CD82: variants seen among roughly 807,000 people sequenced by gnomAD.
The protein encoded by CD82 is CD82 antigen.
Under a neutral mutation model 37.4 loss-of-function variants are expected in CD82, and 36 were observed. The ratio of observed to expected loss-of-function variants is 0.96; its 90% CI spans 0.74 to 1.27. CD82 has a LOEUF of 1.27. CD82 is among the 50% of genes most tolerant of loss of function. The pLI, the probability that CD82 is intolerant of heterozygous loss-of-function variation, is 0.00. For synonymous variants in CD82, 158 were observed against 137.4 expected (o/e 1.15, Z -1.05); for missense variants, 340 against 347.0 (o/e 0.98, Z 0.16).
intron 2 of CD82, among the ~76,000 whole-genome samples, chr11:44,592,769 C>T (rs942187592): frequency 2.0e-5 from 3 of 152,188 alleles, no homozygotes; most frequent in Non-Finnish European, 4.4e-5. Context: ...GCCCTGGCTC[C>T]CGAGTCACTG....
At chr11:44,615,225 A>C (rs767944095) in intron 6 of CD82, 47 bp from the exon 7 acceptor site, 1 of 1,296,906 alleles carries the variant, frequency 7.7e-7, no homozygotes, top group African/African-American at 1.4e-5. Context: ...ACAGGTGGGC[A>C]CGGGTTTCAG....
chr11:44,618,646 A>G lies in CD82; in HGVS notation c.649A>G (p.Met217Val), dbSNP rs778562920. 1.1e-5 allele frequency: 18 copies of G among 1,611,524 alleles called. No individual in the cohort carries two copies. Among genetic ancestry groups the G allele is most frequent in the South Asian group, 2.2e-5 (2 of 91,074 alleles). Residue 217 changes from methionine to valine, a missense_variant, in exon 9 of 10, where the codon ATG (methionine) becomes GTG (valine). Met to Val is a conservative substitution (Grantham distance 21). Coordinates refer to ENST00000227155, the MANE Select transcript of CD82 (RefSeq NM_002231.4). ...EDWPVYQEGC[M>V]EKVQAWLQEN... is the part of the protein sequence containing the mutation. Reference sequence around the variant, plus strand: ...CCGCATTCTGCCCTTGCAGGGCTGCATGGAGAAGGTGCAGGCGTGGCTGCA... The same window carrying G: ...CCGCATTCTGCCCTTGCAGGGCTGCGTGGAGAAGGTGCAGGCGTGGCTGCA...
chr11:44,619,243 C>G lies in CD82; in HGVS notation c.*117C>G, dbSNP rs77781241. The stretch of plus-strand genomic sequence containing the variant: ...TCACTGCGAAGACCCTCTTGCCCAT[C>G]CTGACTGAAAGTAGGGGGCTTTCTG... On this transcript the variant is annotated 3_prime_UTR_variant, in exon 10 of 10. Coordinates refer to ENST00000227155, the MANE Select transcript of CD82 (RefSeq NM_002231.4). 0.015 allele frequency: 11,344 copies of G among 779,262 alleles called. 854 individuals carry two copies. In the African/African-American group the frequency reaches 0.16, roughly 11 times the overall value. 48.3% of individuals were successfully genotyped at this position (779,262 alleles called of 1,614,324 possible). A position where few individuals can be genotyped will look rare whatever the true frequency, so the allele number is the denominator to read the frequency against.
chr11:44,568,719 G>A (rs1052262611), intron 1 of CD82, among the ~76,000 whole-genome samples: 5 of 152,094 alleles, frequency 3.3e-5, no homozygotes, highest in Admixed American at 6.5e-5. Context: ...ATGTGGGGGC[G>A]GCCCCCTCTG....
At chr11:44,612,048 G>C (rs927064330) in intron 6 of CD82, among the ~76,000 whole-genome samples, 1 of 152,210 alleles carries the variant, frequency 6.6e-6, no homozygotes, top group African/African-American at 2.4e-5. Context: ...CTTCTAGAGA[G>C]CCCCTCCTTT....
intron 6 of CD82, among the ~76,000 whole-genome samples, chr11:44,613,378 C>T (rs1048752101): frequency 6.6e-6 from 1 of 152,202 alleles, no homozygotes; most frequent in African/African-American, 2.4e-5. Flanking sequence ...GGGTTTGCCT[C>T]CTTTTGCACA....
At chr11:44,566,493 C>T (rs1017822407) in intron 1 of CD82, among the ~76,000 whole-genome samples, 3 of 152,290 alleles carry the variant, frequency 2.0e-5, no homozygotes, top group African/African-American at 7.2e-5. Flanking sequence ...CTGACGGGTT[C>T]TGTTCCTGGA....
chr11:44,599,014 C>A (rs1044896142), intron 3 of CD82, among the ~76,000 whole-genome samples: 6 of 152,384 alleles, frequency 3.9e-5, no homozygotes, highest in African/African-American at 1.4e-4. Flanking sequence ...ACTTCCCCAG[C>A]CTTTGCCAGC....
At chr11:44,596,914 C>G in intron 3 of CD82, 1 of 455,740 alleles carries the variant, frequency 2.2e-6, no homozygotes, top group Non-Finnish European at 4.4e-6. Flanking sequence ...GTTGGGGGTA[C>G]TAGGAACAGA....
In CD82 at chr11:44,596,478, C is replaced by T. The variant is rs1853229266; in HGVS notation, c.63+1753C>T. On this transcript the variant is annotated intron_variant, in intron 3 of 9. Transcript: ENST00000227155. ...ATGCAGTGGGGGTTGGGGAGACCCT[C>T]ATAGAGAAAGGGAGTGGGGTTGGTG... Among the ~76,000 whole-genome samples the T allele has an allele frequency of 3.9e-5, 6 of 152,204 alleles. No homozygotes were observed. In the South Asian group the frequency reaches 1.2e-3, roughly 32 times the overall value.
intron 1 of CD82, among the ~76,000 whole-genome samples, chr11:44,572,409 T>C (rs1024822352): frequency 3.9e-5 from 6 of 152,268 alleles, no homozygotes; most frequent in Non-Finnish European, 8.8e-5. Context: ...ACAATGAAGC[T>C]ATAAAAAACA....
intron 6 of CD82, chr11:44,608,067 TTC>T (rs1853424770): frequency 6.6e-6 from 1 of 152,242 alleles, no homozygotes; most frequent in African/African-American, 2.4e-5. Flanking sequence ...GCTGAAGAAG[TTC>T]TGGTGCCACT....
At chr11:44,587,608 G>A (rs1853076032) in intron 2 of CD82, 52 bp downstream of exon 2, 3 of 455,804 alleles carry the variant, frequency 6.6e-6, no homozygotes, top group African/African-American at 4.0e-5. Context: ...CACTTGGGCT[G>A]TGAGGCGAGG....
intron 1 of CD82, among the ~76,000 whole-genome samples, chr11:44,579,996 T>A (rs575053500): frequency 6.6e-6 from 1 of 151,968 alleles, no homozygotes; most frequent in African/African-American, 2.4e-5. Flanking sequence ...GAAGAGGGGA[T>A]GGCTCCAGGG....
intron 2 of CD82, 32 bp from the exon 3 acceptor site, chr11:44,594,611 C>T: frequency 2.2e-6 from 3 of 1,395,022 alleles, no homozygotes; most frequent in Non-Finnish European, 3.1e-6. Context: ...GAGCTGATCC[C>T]CTCACTGGCC....
At chr11:44,601,161 T>C (rs3758811) in intron 4 of CD82, among the ~76,000 whole-genome samples, 100,300 of 152,036 alleles carry the variant, frequency 0.66, 33,906 homozygotes, top group East Asian at 0.87. Flanking sequence ...TCGCTGAGTT[T>C]GGCCTTGGCT....
In CD82 at chr11:44,600,203, G is replaced by C. The variant is rs758337930; in HGVS notation, c.109G>C (p.Asp37His). The C allele has an allele frequency of 3.7e-6, 6 of 1,614,056 alleles. No individual in the cohort carries two copies. Among genetic ancestry groups the C allele is most frequent in the Non-Finnish European group, 5.1e-6 (6 of 1,179,970 alleles). Residue 37 changes from aspartate to histidine, a missense_variant, in exon 4 of 10, where the codon GAC (aspartate) becomes CAC (histidine). Transcript: ENST00000227155. Reference protein sequence around the residue: ...ILGFGVWILADKSSFISVLQT... With the variant: ...ILGFGVWILAHKSSFISVLQT... ...GGGCTTCGGGGTGTGGATCCTGGCC[G>C]ACAAGAGCAGTTTCATCTCTGTCCT...
chr11:44,581,088 C>T (rs1433827719), intron 1 of CD82, among the ~76,000 whole-genome samples: 1 of 152,184 alleles, frequency 6.6e-6, no homozygotes, highest in Non-Finnish European at 1.5e-5. Flanking sequence ...TCACTGGTGC[C>T]TAATGTCACC....
chr11:44,598,981 G>A (rs944120344), intron 3 of CD82, among the ~76,000 whole-genome samples: 3 of 152,238 alleles, frequency 2.0e-5, no homozygotes, highest in African/African-American at 7.2e-5. Flanking sequence ...AAGGGAACCT[G>A]CATCTTTGCC....
Sources: allele counts gnomAD v4.1 joint callset (sites outside exome capture counted in the v4.1 genomes callset), GRCh38; gene constraint gnomAD v4.1.1; transcripts MANE v1.5; gene names NCBI Gene and HGNC (gene_info 2026-07-23, HGNC 2026-07-21).